SYK: variants seen among roughly 807,000 people sequenced by gnomAD.
SYK encodes the protein spleen associated tyrosine kinase.
Under a neutral mutation model 77.8 loss-of-function variants are expected in SYK, and 16 were observed. That is an observed-to-expected ratio of 0.21 (90% confidence interval 0.14 to 0.31). SYK has a LOEUF of 0.31. SYK is among the 10% of genes least tolerant of loss of function. SYK has a pLI of 1.00. For synonymous variants in SYK, 312 were observed against 308.7 expected (o/e 1.01, Z -0.11); for missense variants, 529 against 814.4 (o/e 0.65, Z 4.26).
At chr9:90,858,266 C>G (rs554560760) in intron 3 of SYK, among the ~76,000 whole-genome samples, 3 of 152,214 alleles carry the variant, frequency 2.0e-5, no homozygotes, top group African/African-American at 7.2e-5. Flanking sequence ...GCCAAGGCTG[C>G]CTACCCTGGG....
intron 1 of SYK, among the ~76,000 whole-genome samples, chr9:90,840,861 G>C (rs964469006): frequency 1.3e-5 from 2 of 152,216 alleles, no homozygotes; most frequent in Non-Finnish European, 2.9e-5. Context: ...GGCTCGCCCA[G>C]GAGTACTGAC....
At chr9:90,820,243 G>A (rs776115159) in intron 1 of SYK, among the ~76,000 whole-genome samples, 1 of 152,194 alleles carries the variant, frequency 6.6e-6, no homozygotes, top group African/African-American at 2.4e-5. Flanking sequence ...CCATTCTGAG[G>A]TCTGTAGGAT....
At position 90,896,534 on chromosome 9, in the gene SYK, G is replaced by A. The variant is rs1461292246; in HGVS notation, c.*934G>A. ...TGTCGCTTTCTGTGTCTGCAATGGGGGGCAGCACAGGGATCAAAGCCATCT... is the reference window on the plus strand; with the variant it reads ...TGTCGCTTTCTGTGTCTGCAATGGGAGGCAGCACAGGGATCAAAGCCATCT... On this transcript the variant is annotated 3_prime_UTR_variant, in exon 14 of 14. Coordinates refer to ENST00000375754, the MANE Select transcript of SYK (RefSeq NM_003177.7). 1 of 232,936 alleles carries A rather than the reference G, an allele frequency of 4.3e-6. No homozygotes were observed. Among genetic ancestry groups the A allele is most frequent in the African/African-American group, 2.2e-5 (1 of 45,322 alleles). 14.4% of individuals were successfully genotyped at this position (232,936 alleles called of 1,614,324 possible). A position where few individuals can be genotyped will look rare whatever the true frequency, so the allele number is the denominator to read the frequency against.
chr9:90,803,907 C>T (rs1308142163), intron 1 of SYK, among the ~76,000 whole-genome samples: 1 of 151,530 alleles, frequency 6.6e-6, no homozygotes, highest in Non-Finnish European at 1.5e-5. Context: ...TGTACTTTTA[C>T]ATTTAAGAAC....
intron 10 of SYK, 128 bp downstream of exon 10, chr9:90,877,908 C>CCTGAGTATGGACCA: frequency 2.3e-6 from 2 of 876,200 alleles, no homozygotes; most frequent in Non-Finnish European, 3.5e-6. Flanking sequence ...TTTATTGGTC[C>CCTGAGTATGGACCA]ATACTCAGGG....
intron 7 of SYK, 102 bp from the exon 8 acceptor site, chr9:90,874,102 A>G: frequency 1.0e-6 from 1 of 953,780 alleles, no homozygotes; most frequent in South Asian, 1.5e-5. Flanking sequence ...CTTTCCTGCA[A>G]AAGTTAAACT....
intron 3 of SYK, among the ~76,000 whole-genome samples, chr9:90,848,996 G>T (rs937916875): frequency 4.6e-5 from 7 of 152,216 alleles, no homozygotes; most frequent in Non-Finnish European, 8.8e-5. Flanking sequence ...GCAGGAGCGT[G>T]CCTGGGGAGC....
chr9:90,861,920 T>C (rs1189687821), intron 3 of SYK, among the ~76,000 whole-genome samples: 1 of 152,106 alleles, frequency 6.6e-6, no homozygotes, highest in Non-Finnish European at 1.5e-5. Context: ...TGCCCAGAGC[T>C]CCTGGGCCCT....
At chr9:90,833,462 C>A (rs1291463836) in intron 1 of SYK, among the ~76,000 whole-genome samples, 1 of 152,172 alleles carries the variant, frequency 6.6e-6, no homozygotes, top group African/African-American at 2.4e-5. Flanking sequence ...CTATAGAGCT[C>A]AGCCCCCCTT....
At chr9:90,857,407 A>G (rs1827080456) in intron 3 of SYK, among the ~76,000 whole-genome samples, 1 of 152,256 alleles carries the variant, frequency 6.6e-6, no homozygotes, top group Non-Finnish European at 1.5e-5. Context: ...GCTGAAAGAC[A>G]AGATGCGTTA....
At chr9:90,821,286 C>G (rs1204248191) in intron 1 of SYK, among the ~76,000 whole-genome samples, 1 of 152,166 alleles carries the variant, frequency 6.6e-6, no homozygotes, top group Non-Finnish European at 1.5e-5. Flanking sequence ...AGCAACACCC[C>G]ACTCTTCTGG....
chr9:90,810,713 G>A (rs1274562218), intron 1 of SYK, among the ~76,000 whole-genome samples: 1 of 152,188 alleles, frequency 6.6e-6, no homozygotes, highest in Non-Finnish European at 1.5e-5. Flanking sequence ...AATACTTACG[G>A]TAAAGTGTTT....
chr9:90,855,094 C>T (rs972930324), intron 3 of SYK, among the ~76,000 whole-genome samples: 6 of 151,976 alleles, frequency 3.9e-5, no homozygotes, highest in Admixed American at 3.3e-4. Context: ...ACCTGTGGGG[C>T]CCAACTTAAA....
rs1028055781 is a variant in SYK at position 90,887,867 on chromosome 9, C to T, written c.1700C>T (p.Ser567Phe). The T allele has an allele frequency of 1.2e-6, 2 of 1,610,450 alleles. No homozygotes were observed. Among genetic ancestry groups the T allele is most frequent in the African/African-American group, 1.3e-5 (1 of 74,674 alleles). The change falls in exon 12 of 14, where the codon TCC (serine) becomes TTC (phenylalanine). Residue 567 changes from serine (S) to phenylalanine (F), a missense_variant. By Grantham distance (155) the Ser-to-Phe change is radical. Transcript: ENST00000375754. ...GGAGTGTTGATGTGGGAAGCATTCTCCTATGGGCAGAAGCCATATCGAGTG... is the reference window on the plus strand; with the variant it reads ...GGAGTGTTGATGTGGGAAGCATTCTTCTATGGGCAGAAGCCATATCGAGTG... ...SFGVLMWEAF[S>F]YGQKPYRGMK...
chr9:90,869,959 T>C (rs1210941398), intron 7 of SYK, among the ~76,000 whole-genome samples: 1 of 152,040 alleles, frequency 6.6e-6, no homozygotes, highest in African/African-American at 2.4e-5. Flanking sequence ...AATACAAAAA[T>C]TAGCCAGGCG....
chr9:90,862,837 C>T (rs1042909652), intron 4 of SYK, among the ~76,000 whole-genome samples: 1 of 152,126 alleles, frequency 6.6e-6, no homozygotes, highest in African/African-American at 2.4e-5. Flanking sequence ...CCAAGCAGGA[C>T]TTTGTTGGTG....
At chr9:90,838,101 G>A (rs1301381296) in intron 1 of SYK, among the ~76,000 whole-genome samples, 1 of 152,228 alleles carries the variant, frequency 6.6e-6, no homozygotes, top group African/African-American at 2.4e-5. Flanking sequence ...GCCTCATCTG[G>A]AGTATGTGGA....
At chr9:90,857,039 T>C (rs1827062146) in intron 3 of SYK, among the ~76,000 whole-genome samples, 1 of 152,272 alleles carries the variant, frequency 6.6e-6, no homozygotes, top group South Asian at 2.1e-4. Flanking sequence ...CCAAACCCAC[T>C]TTAATTGCTC....
At chr9:90,825,355 G>A (rs1192205869) in intron 1 of SYK, among the ~76,000 whole-genome samples, 1 of 152,158 alleles carries the variant, frequency 6.6e-6, no homozygotes, top group Non-Finnish European at 1.5e-5. Context: ...CTGTTTTGTA[G>A]CTAATGATGA....
Sources: allele counts gnomAD v4.1 joint callset (sites outside exome capture counted in the v4.1 genomes callset), GRCh38; gene constraint gnomAD v4.1.1; transcripts MANE v1.5; gene names NCBI Gene and HGNC (gene_info 2026-07-23, HGNC 2026-07-21).